FBLN1: variants seen among roughly 807,000 people sequenced by gnomAD.
The protein encoded by FBLN1 is fibulin 1.
In FBLN1, 34 loss-of-function variants were observed where a neutral mutation model predicts 89.7. That is an observed-to-expected ratio of 0.38 (90% CI 0.29 to 0.50). The LOEUF (loss-of-function observed/expected upper bound fraction) is 0.50, where lower values mean the gene tolerates loss of function less well. Ranked by LOEUF, FBLN1 falls within the 20% of genes least tolerant of loss-of-function variation. The pLI is 0.92. For synonymous variants in FBLN1, 393 were observed against 391.3 expected (o/e 1.00, Z -0.05); for missense variants, 777 against 988.1 (o/e 0.79, Z 2.86).
intron 14 of FBLN1, among the ~76,000 whole-genome samples, chr22:45,571,047 G>A (rs1189237067): frequency 6.9e-6 from 1 of 145,874 alleles, no homozygotes; most frequent in Non-Finnish European, 1.5e-5. Flanking sequence ...CTTAAACTTG[G>A]GAGGCGGAGG....
intron 12 of FBLN1, among the ~76,000 whole-genome samples, chr22:45,547,447 G>A (rs1315679441): frequency 7.2e-6 from 1 of 139,300 alleles, no homozygotes; most frequent in Admixed American, 7.8e-5. Context: ...CCAGGCTGGA[G>A]TGATATGGTG....
In FBLN1 at chr22:45,560,156, T is replaced by C. The variant is rs943080671; in HGVS notation, c.1697+9541T>C. Reference sequence around the variant, plus strand: ...TTGCTGCTTTGCCTCTGCTGTCCATTACAGAAGCTACACCCACCTTGCCTT... The same window carrying C: ...TTGCTGCTTTGCCTCTGCTGTCCATCACAGAAGCTACACCCACCTTGCCTT... On this transcript the variant is annotated intron_variant, in intron 14 of 16. Transcript: ENST00000327858. 2.0e-5 allele frequency among the ~76,000 whole-genome samples: 3 copies of C among 152,212 alleles called. No homozygotes were observed. The South Asian group carries it at 6.2e-4, about 32-fold the overall frequency.
chr22:45,533,072 C>T lies in FBLN1; in HGVS notation c.554C>T (p.Pro185Leu). 2 of 1,614,022 alleles carry T rather than the reference C, an allele frequency of 1.2e-6. No homozygotes were observed. The highest frequency in any genetic ancestry group is 1.7e-6 in the Non-Finnish European group (2 of 1,179,900). Reference protein sequence around the residue: ...YLNDRCRGGGPCKQQCRDTGD... With the variant: ...YLNDRCRGGGLCKQQCRDTGD... ...CACGCTGTGCTTCCAGGAGGCGGGCCCTGCAAGCAGCAGTGCCGAGACACG... is the reference window on the plus strand; with the variant it reads ...CACGCTGTGCTTCCAGGAGGCGGGCTCTGCAAGCAGCAGTGCCGAGACACG... The change falls in exon 6 of 17, where the codon CCC becomes CTC. Residue 185 changes from proline to leucine, a missense_variant. Coordinates refer to ENST00000327858, the MANE Select transcript of FBLN1 (RefSeq NM_006486.3).
intron 1 of FBLN1, among the ~76,000 whole-genome samples, chr22:45,516,937 G>T (rs1249250925): frequency 6.6e-6 from 1 of 152,218 alleles, no homozygotes; most frequent in Admixed American, 6.5e-5. Flanking sequence ...TAGCTCATTC[G>T]TGCACTGACC....
intron 14 of FBLN1, chr22:45,564,921 G>A (rs764056024): frequency 2.5e-6 from 4 of 1,614,092 alleles, no homozygotes; most frequent in Non-Finnish European, 3.4e-6. Flanking sequence ...CACCCCAGCG[G>A]GATCAAGTAA....
rs900507976 is a variant in FBLN1 at position 45,597,368 on chromosome 22, G to A, written c.1973-2939G>A. On this transcript the variant is annotated intron_variant, in intron 16 of 16. Coordinates refer to ENST00000327858, the MANE Select transcript of FBLN1 (RefSeq NM_006486.3). The surrounding 1 kb of genome is among the most constrained non-coding windows in gnomAD (Gnocchi z 4.2). Reference sequence around the variant, plus strand: ...CATTCCTCCCTACAGTGATTCACAGGCTCACCCAGCCTCTCCTTCTCCTTC... The same window carrying A: ...CATTCCTCCCTACAGTGATTCACAGACTCACCCAGCCTCTCCTTCTCCTTC... Among the ~76,000 whole-genome samples the A allele has an allele frequency of 6.6e-6, 1 of 152,132 alleles. No homozygotes were observed. Among genetic ancestry groups the A allele is most frequent in the African/African-American group, 2.4e-5 (1 of 41,424 alleles).
rs867957970 is a variant in FBLN1, at chr22:45,585,369, G to A, written c.1972+8261G>A. 2.7e-4 allele frequency among the ~76,000 whole-genome samples: 41 copies of A among 152,308 alleles called. No individual in the cohort carries two copies. The Middle Eastern group carries it at 0.01, about 38-fold the overall frequency. On this transcript the variant is annotated intron_variant, in intron 16 of 16. Transcript: ENST00000327858. ...CAGCCAGCAGGGCCCAGATCACCTC[G>A]TTAAAATTATTACCTCTTAAGGGGT...
At chr22:45,517,869 G>T (rs1278084170) in intron 1 of FBLN1, among the ~76,000 whole-genome samples, 1 of 151,598 alleles carries the variant, frequency 6.6e-6, no homozygotes, top group Admixed American at 6.6e-5. Context: ...GGTGGCTTAT[G>T]CCTGTAATCC....
chr22:45,528,179 G>A (rs995715277), intron 4 of FBLN1, among the ~76,000 whole-genome samples, 170 bp downstream of exon 4: 6 of 152,232 alleles, frequency 3.9e-5, no homozygotes, highest in Non-Finnish European at 7.3e-5. Context: ...CCCAGGGAAG[G>A]AGGGGCATTG....
intron 2 of FBLN1, 97 bp downstream of exon 2, chr22:45,518,884 G>A (rs2088208554): frequency 3.6e-5 from 40 of 1,124,846 alleles, no homozygotes; most frequent in Non-Finnish European, 5.2e-5. Context: ...CTCGGGAGAG[G>A]CTGGACACCC....
Position 45,582,505 on chromosome 22 carries a change from G to C in FBLN1, c.1972+5397G>C, listed in dbSNP as rs112170641. On this transcript the variant is annotated intron_variant, in intron 16 of 16. Transcript: ENST00000327858. ...GGGCCCACTCATCCTTGGTCACACA[G>C]GCGACCCATCATGCTGCTCCCTGGG... Among the ~76,000 whole-genome samples the C allele has an allele frequency of 1.4e-3, 211 of 152,302 alleles. 1 individual carries two copies. The highest frequency in any genetic ancestry group is 4.9e-3 in the African/African-American group (204 of 41,558).
At chr22:45,584,627 A>C (rs2089069268) in intron 16 of FBLN1, among the ~76,000 whole-genome samples, 1 of 152,164 alleles carries the variant, frequency 6.6e-6, no homozygotes, top group Non-Finnish European at 1.5e-5. Context: ...ATAGGGACTG[A>C]GGTGTGTGCC....
At chr22:45,521,645 G>A (rs1438579653) in intron 2 of FBLN1, among the ~76,000 whole-genome samples, 6 of 152,196 alleles carry the variant, frequency 3.9e-5, no homozygotes, top group African/African-American at 1.4e-4. Context: ...ACAGTGAGAC[G>A]GAGCCCACAT....
chr22:45,592,844 C>G (rs2089150890), intron 16 of FBLN1, among the ~76,000 whole-genome samples: 4 of 152,230 alleles, frequency 2.6e-5, no homozygotes, highest in Admixed American at 2.0e-4. Flanking sequence ...CCCTACACTT[C>G]CCTTCCTTTC....
At chr22:45,596,646 T>G (rs1469369985) in intron 16 of FBLN1, among the ~76,000 whole-genome samples, 1 of 148,148 alleles carries the variant, frequency 6.8e-6, no homozygotes, top group Non-Finnish European at 1.5e-5. Flanking sequence ...TATATACATA[T>G]ATCAACATAA....
chr22:45,565,445 G>A, intron 14 of FBLN1: 1 of 414,018 alleles, frequency 2.4e-6, no homozygotes, highest in Non-Finnish European at 4.2e-6. Context: ...CTGTCCCCCT[G>A]CAGACTGCCA....
rs999013559 is a variant in FBLN1, at chr22:45,583,909, G to A, written c.1972+6801G>A. 6.6e-6 allele frequency among the ~76,000 whole-genome samples: 1 copy of A among 152,178 alleles called. No individual in the cohort carries two copies. The highest frequency in any genetic ancestry group is 2.4e-5 in the African/African-American group (1 of 41,440). ...AGGAATTCTAACTGGGGGGCTTGGA[G>A]CAGGCAGGAGTTCCCTGAGGTCATG... On this transcript the variant is annotated intron_variant, in intron 16 of 16. Coordinates refer to ENST00000327858, the MANE Select transcript of FBLN1 (RefSeq NM_006486.3). The surrounding 1 kb of genome is among the most constrained non-coding windows in gnomAD (Gnocchi z 4.5).
At chr22:45,594,732 A>ATGGATGGATG (rs1569269732) in intron 16 of FBLN1, among the ~76,000 whole-genome samples, 1 of 108,470 alleles carries the variant, frequency 9.2e-6, no homozygotes, top group African/African-American at 4.2e-5. Flanking sequence ...ATGGATGGAT[A>ATGGATGGATG]GATGGATGGG....
intron 14 of FBLN1, among the ~76,000 whole-genome samples, chr22:45,566,695 T>C (rs773721991): frequency 5.3e-5 from 8 of 152,192 alleles, no homozygotes; most frequent in African/African-American, 7.2e-5. Context: ...TCTTCATTCA[T>C]TGGAAGGTAA....
Sources: gnomAD v4.1 joint callset for allele counts (sites outside exome capture counted in the v4.1 genomes callset) on GRCh38, gnomAD v4.1.1 for gene constraint, Gnocchi (gnomAD v3.1) non-coding constraint, MANE v1.5 for transcripts, NCBI Gene and HGNC (gene_info 2026-07-23, HGNC 2026-07-21) for gene names.